RCL1: variants seen among roughly 807,000 people sequenced by gnomAD.
RCL1 encodes the protein RNA terminal phosphate cyclase like 1.
A neutral mutation model predicts 42.4 loss-of-function variants in RCL1; 24 were observed. The observed-to-expected ratio is 0.57, with a 90% CI of 0.41 to 0.80. RCL1 has a LOEUF of 0.80. RCL1 is among the 30% of genes least tolerant of loss of function. The pLI is 0.00. For synonymous variants in RCL1, 228 were observed against 177.3 expected, an observed-to-expected ratio of 1.29 and a Z score of -2.27; for missense variants, 578 against 467.9, an observed-to-expected ratio of 1.24 and a Z score of -2.17.
chr9:4,825,685 C>A (rs934786494), intron 2 of RCL1, among the ~76,000 whole-genome samples: 2 of 152,152 alleles, frequency 1.3e-5, no homozygotes, highest in Non-Finnish European at 2.9e-5. Context: ...CTTGTTCAAC[C>A]ATTTATGTCC....
chr9:4,856,547 G>A (rs1817968748), intron 8 of RCL1, among the ~76,000 whole-genome samples: 1 of 152,004 alleles, frequency 6.6e-6, no homozygotes, highest in East Asian at 1.9e-4. Context: ...TTGCTGTTGA[G>A]GTACTTAAAT....
chr9:4,826,414 C>T (rs992029198), intron 2 of RCL1, among the ~76,000 whole-genome samples: 2 of 152,078 alleles, frequency 1.3e-5, no homozygotes, highest in African/African-American at 4.8e-5. Context: ...CTTTTCTTGG[C>T]ATCATGTTTG....
chr9:4,855,238 A>C (rs547679988), intron 8 of RCL1, among the ~76,000 whole-genome samples: 11 of 152,252 alleles, frequency 7.2e-5, no homozygotes, highest in African/African-American at 2.6e-4. Context: ...TTAGGTGTTA[A>C]AATCCTTTAC....
At chr9:4,842,471 A>C (rs748740576) in intron 6 of RCL1, among the ~76,000 whole-genome samples, 1 of 152,250 alleles carries the variant, frequency 6.6e-6, no homozygotes, top group Non-Finnish European at 1.5e-5. Context: ...TGGTGGCGTC[A>C]TAACGCTGGG....
chr9:4,793,650 G>C (rs1453700476), intron 1 of RCL1, among the ~76,000 whole-genome samples: 1 of 152,206 alleles, frequency 6.6e-6, no homozygotes, highest in Non-Finnish European at 1.5e-5. Flanking sequence ...CCTTGGGTTG[G>C]TTCTCTGCCC....
intron 1 of RCL1, among the ~76,000 whole-genome samples, chr9:4,819,623 A>G (rs949721949): frequency 6.6e-6 from 1 of 152,200 alleles, no homozygotes; most frequent in Admixed American, 6.5e-5. Flanking sequence ...CCCGGCCAAC[A>G]TGGTGAAACC....
chr9:4,796,687 A>G (rs1367180581), intron 1 of RCL1, among the ~76,000 whole-genome samples: 1 of 152,194 alleles, frequency 6.6e-6, no homozygotes, highest in Non-Finnish European at 1.5e-5. Flanking sequence ...GGCATGAATA[A>G]CCATGCCCAG....
intron 1 of RCL1, among the ~76,000 whole-genome samples, chr9:4,809,447 C>CT (rs1273979558): frequency 6.6e-6 from 1 of 151,294 alleles, no homozygotes; most frequent in East Asian, 2.0e-4. Flanking sequence ...GTAGCTGGGG[C>CT]TACAGGCATG....
chr9:4,816,851 C>T (rs1342848958), intron 1 of RCL1, among the ~76,000 whole-genome samples: 1 of 152,140 alleles, frequency 6.6e-6, no homozygotes, highest in East Asian at 1.9e-4. Context: ...GAGTCTCGCT[C>T]TGTCGTCCAG....
At chr9:4,832,983 TCA>T (rs1472990240) in intron 3 of RCL1, among the ~76,000 whole-genome samples, 169 bp from the exon 4 acceptor site, 2 of 152,116 alleles carry the variant, frequency 1.3e-5, no homozygotes, top group African/African-American at 2.4e-5. Flanking sequence ...GCCTGTGAAA[TCA>T]CAGTGTTCCT....
chr9:4,808,952 C>T (rs1241677878), intron 1 of RCL1, among the ~76,000 whole-genome samples: 6 of 152,188 alleles, frequency 3.9e-5, no homozygotes, highest in Non-Finnish European at 7.3e-5. Flanking sequence ...CAGGTTACAT[C>T]CTTTATTGCC....
intron 2 of RCL1, among the ~76,000 whole-genome samples, chr9:4,823,998 A>G (rs548024793): frequency 6.6e-6 from 1 of 152,298 alleles, no homozygotes; most frequent in African/African-American, 2.4e-5. Context: ...TCCCAATTTG[A>G]AGGGCGTACA....
At chr9:4,826,759 C>T in intron 2 of RCL1, 99 bp from the exon 3 acceptor site, 1 of 1,069,674 alleles carries the variant, frequency 9.3e-7, no homozygotes, top group Non-Finnish European at 1.4e-6. Flanking sequence ...TCTTGGATGC[C>T]CTTGTCAGGC....
In RCL1 at chr9:4,849,481, C is replaced by A. The variant is rs575534282; in HGVS notation, c.902C>A (p.Ala301Glu). 1 of 1,614,038 alleles carries A rather than the reference C, an allele frequency of 6.2e-7. No homozygotes were observed. The highest frequency in any genetic ancestry group is 1.1e-5 in the South Asian group (1 of 91,076). Residue 301 changes from alanine to glutamate, a missense_variant, in exon 8 of 9, where the codon GCG (alanine) becomes GAG (glutamate). Ala to Glu is a moderately radical substitution (Grantham distance 107). Coordinates refer to ENST00000381750, the MANE Select transcript of RCL1 (RefSeq NM_005772.5). ...GTAGACTCGACCAACCAAAGCCTGG[C>A]GCTACTACTCATGACCCTTGGACAG... ...GCVDSTNQSLALLLMTLGQQD... is the reference protein window; with the variant it reads ...GCVDSTNQSLELLLMTLGQQD...
chr9:4,842,558 T>A (rs1817368762), intron 6 of RCL1, among the ~76,000 whole-genome samples: 1 of 152,210 alleles, frequency 6.6e-6, no homozygotes, highest in Admixed American at 6.5e-5. Context: ...CTTTGGTTTA[T>A]ATTCTAGTAA....
intron 8 of RCL1, among the ~76,000 whole-genome samples, chr9:4,859,193 A>G (rs1223921356): frequency 6.6e-6 from 1 of 152,162 alleles, no homozygotes; most frequent in Non-Finnish European, 1.5e-5. Context: ...TGCTCTTCCC[A>G]AGGTACTCTT....
intron 1 of RCL1, among the ~76,000 whole-genome samples, chr9:4,805,400 A>AAGGG (rs113815854): frequency 1.7e-4 from 25 of 150,130 alleles, no homozygotes; most frequent in Non-Finnish European, 3.6e-4. Flanking sequence ...AAGAAGAAGG[A>AAGGG]GAAGGGGAAG....
At chr9:4,842,487 G>A (rs996659048) in intron 6 of RCL1, among the ~76,000 whole-genome samples, 1 of 152,224 alleles carries the variant, frequency 6.6e-6, no homozygotes, top group African/African-American at 2.4e-5. Flanking sequence ...CTGGGGTTGG[G>A]AAAGGATTTG....
In RCL1 at chr9:4,834,163, C is replaced by A. The variant is rs781217225; in HGVS notation, c.482C>A (p.Pro161His). 1.2e-6 allele frequency: 2 copies of A among 1,607,212 alleles called. No homozygotes were observed. Among genetic ancestry groups the A allele is most frequent in the South Asian group, 1.1e-5 (1 of 90,124 alleles). ...TAGATTGTGCGACGGGGAATGCCTC[C>A]CGGAGGAGGAGGCGAAGTGGTTTTC... is the stretch of plus-strand genomic sequence containing the variant. ...ELKIVRRGMP[P>H]GGGGEVVFSC... Residue 161 changes from proline to histidine, a missense_variant, in exon 5 of 9, where the codon CCC (proline) becomes CAC (histidine). By Grantham distance (77) the Pro-to-His change is moderately conservative. Transcript: ENST00000381750.
Sources: gnomAD v4.1 joint callset for allele counts (sites outside exome capture counted in the v4.1 genomes callset) on GRCh38, gnomAD v4.1.1 for gene constraint, MANE v1.5 for transcripts, NCBI Gene and HGNC (gene_info 2026-07-23, HGNC 2026-07-21) for gene names.